Variants in SLC12A7 observed in about 807,000 individuals in gnomAD.
SLC12A7 encodes the protein solute carrier family 12 member 7.
A neutral mutation model predicts 120.6 loss-of-function variants in SLC12A7; 100 were observed. The ratio of observed to expected loss-of-function variants is 0.83; its 90% CI spans 0.71 to 0.98. The LOEUF is 0.98. Ranked by LOEUF, SLC12A7 falls within the 50% of genes least tolerant of loss-of-function variation. The probability of loss-of-function intolerance (pLI) is 0.00; values close to 1 mark genes in which losing one functional copy is unlikely to be tolerated. For synonymous variants in SLC12A7, 760 were observed against 678.0 expected (o/e 1.12, Z -1.88); for missense variants, 1,373 against 1,548.1 (o/e 0.89, Z 1.90).
In SLC12A7 at chr5:1,053,355, C is replaced by T. The variant is rs1195878119; in HGVS notation, c.3154G>A (p.Glu1052Lys). 4 of 1,613,680 alleles carry T rather than the reference C, an allele frequency of 2.5e-6. No homozygotes were observed. Among genetic ancestry groups the T allele is most frequent in the African/African-American group, 2.7e-5 (2 of 74,950 alleles). Residue 1052 changes from glutamate (E) to lysine (K), a missense_variant, in exon 23 of 24, where the codon GAG becomes AAG. Coordinates refer to ENST00000264930, the MANE Select transcript of SLC12A7 (RefSeq NM_006598.3). ...ACACTGCAAGAAAGGATACAGTTCT[C>T]GTCTCCCTGCCGGTTTTTGGGAGGA... ...PGPPKNRQGD[E>K]NYMEFLEVLT...
At chr5:1,096,968 G>C (rs1003442086) in intron 1 of SLC12A7, among the ~76,000 whole-genome samples, 5 of 151,940 alleles carry the variant, frequency 3.3e-5, no homozygotes, top group African/African-American at 1.2e-4. Context: ...TCCCTCCCAC[G>C]CAGCCAACCC....
At chr5:1,098,697 A>T (rs796919303) in intron 1 of SLC12A7, among the ~76,000 whole-genome samples, 4 of 21,938 alleles carry the variant, frequency 1.8e-4, no homozygotes, top group African/African-American at 4.6e-4. Flanking sequence ...AACCCTCTGC[A>T]CACCCAGCCC....
the SLC12A7 span, among the ~76,000 whole-genome samples, chr5:1,133,310 G>C: frequency 6.6e-6 from 1 of 152,202 alleles, no homozygotes; most frequent in Non-Finnish European, 1.5e-5. Flanking sequence ...GTGGGCAAGA[G>C]CTCCCCCCAA....
intron 17 of SLC12A7, 124 bp from the exon 18 acceptor site, chr5:1,065,602 G>A (rs1327335526): frequency 6.6e-6 from 5 of 753,896 alleles, no homozygotes; most frequent in East Asian, 2.8e-5. Flanking sequence ...GGGAAGGCCC[G>A]AAGGCTCAAC....
intron 3 of SLC12A7, among the ~76,000 whole-genome samples, chr5:1,089,347 G>C (rs923035961): frequency 6.6e-6 from 1 of 152,188 alleles, no homozygotes; most frequent in Non-Finnish European, 1.5e-5. Context: ...GAACCACATG[G>C]TTGGCAGAGA....
intron 14 of SLC12A7, 36 bp downstream of exon 14, chr5:1,076,102 T>C: frequency 4.5e-6 from 7 of 1,556,594 alleles, no homozygotes; most frequent in Non-Finnish European, 6.1e-6. Context: ...TGTCCCAGCC[T>C]GTGGGGCTCC....
chr5:1,137,539 C>T, the SLC12A7 span, among the ~76,000 whole-genome samples: 1 of 152,204 alleles, frequency 6.6e-6, no homozygotes, highest in Non-Finnish European at 1.5e-5. Context: ...TCCCCCTCCT[C>T]CTCAACCTGC....
At chr5:1,084,399 C>T (rs1013665017) in intron 7 of SLC12A7, among the ~76,000 whole-genome samples, 1 of 152,224 alleles carries the variant, frequency 6.6e-6, no homozygotes, top group African/African-American at 2.4e-5. Context: ...GCTCCCTCCC[C>T]GAGGCCCTCG....
intron 23 of SLC12A7, among the ~76,000 whole-genome samples, 180 bp downstream of exon 23, chr5:1,053,169 T>G (rs1055461550): frequency 6.6e-6 from 1 of 152,092 alleles, no homozygotes; most frequent in Admixed American, 6.5e-5. Context: ...TGGCCCCAAC[T>G]CTGGCCCGGT....
At chr5:1,139,971 C>T in the SLC12A7 span, among the ~76,000 whole-genome samples, 16 of 152,330 alleles carry the variant, frequency 1.1e-4, no homozygotes, top group East Asian at 3.9e-4. Context: ...GTCACAGATG[C>T]GGACCAGGCC....
At chr5:1,087,121 G>A in intron 5 of SLC12A7, 88 bp from the exon 6 acceptor site, 1 of 1,467,988 alleles carries the variant, frequency 6.8e-7, no homozygotes, top group Non-Finnish European at 9.1e-7. Context: ...CACGGGCAAA[G>A]GAGGGCCTGT....
chr5:1,105,712 T>C (rs1259866658), intron 1 of SLC12A7, among the ~76,000 whole-genome samples: 9 of 152,204 alleles, frequency 5.9e-5, no homozygotes, highest in Non-Finnish European at 1.0e-4. Context: ...TCTGCCCTTG[T>C]CCCTGGGCAG....
At position 1,079,489 on chromosome 5, in the gene SLC12A7, CATG is replaced by C; in HGVS notation, c.1302_1304del (p.Ile434del). On this transcript the variant is annotated inframe_deletion, in exon 10 of 24. Coordinates refer to ENST00000264930, the MANE Select transcript of SLC12A7 (RefSeq NM_006598.3). ...GGTCCCCGGACCGGTTTGAACCCGC[CATG>C]ATACCTGTGAACATGGAAAATGCTG... The C allele has an allele frequency of 6.2e-7, 1 of 1,612,332 alleles. No individual in the cohort carries two copies. The highest frequency in any genetic ancestry group is 1.7e-4 in the Middle Eastern group (1 of 6,054).
At chr5:1,080,034 C>T (rs1039831346) in intron 9 of SLC12A7, among the ~76,000 whole-genome samples, 1 of 152,206 alleles carries the variant, frequency 6.6e-6, no homozygotes, top group Non-Finnish European at 1.5e-5. Flanking sequence ...CCACTTCACG[C>T]CTGGCTCGGT....
rs565710615 is a variant in SLC12A7, at chr5:1,109,847, C to T, written c.124+2021G>A. On this transcript the variant is annotated intron_variant, in intron 1 of 23. Transcript: ENST00000264930. ...CAGAAGCTCCAGTACCTCCACAGACCGTTCAGGGGAACGGCAATGGAGTCA... is the reference window on the plus strand; with the variant it reads ...CAGAAGCTCCAGTACCTCCACAGACTGTTCAGGGGAACGGCAATGGAGTCA... 5.9e-5 allele frequency among the ~76,000 whole-genome samples: 9 copies of T among 152,380 alleles called. No homozygotes were observed. In the South Asian group the frequency reaches 8.3e-4, roughly 14 times the overall value.
At chr5:1,052,609 C>G (rs912613522) in intron 23 of SLC12A7, among the ~76,000 whole-genome samples, 158 bp from the exon 24 acceptor site, 2 of 133,628 alleles carry the variant, frequency 1.5e-5, no homozygotes, top group African/African-American at 2.5e-5. Flanking sequence ...GAGAGACCCC[C>G]CAGGCGGGGA....
intron 1 of SLC12A7, among the ~76,000 whole-genome samples, chr5:1,095,441 C>T (rs1365199768): frequency 2.0e-5 from 3 of 152,202 alleles, no homozygotes; most frequent in African/African-American, 4.8e-5. Flanking sequence ...TAGCCACCCA[C>T]GCACCCCAGG....
At chr5:1,123,890 A>G in the SLC12A7 span, among the ~76,000 whole-genome samples, 4 of 152,260 alleles carry the variant, frequency 2.6e-5, no homozygotes, top group Non-Finnish European at 2.9e-5. Context: ...AGTTTCTGAG[A>G]TAACTCTCTT....
chr5:1,077,905 G>C lies in SLC12A7; in HGVS notation c.1557C>G (p.Gly519=). The change falls in exon 12 of 24, where the codon GGC becomes GGG. Residue 519 remains glycine, a synonymous_variant. Coordinates refer to ENST00000264930, the MANE Select transcript of SLC12A7 (RefSeq NM_006598.3). The stretch of plus-strand genomic sequence containing the variant: ...GCGGTGCCCCCGTGAGGCTCTGCAG[G>C]CCGGCACCGCAGGTGGAGAAGAAGG... ...IGSFFSTCGA[G]LQSLTGAPRL... 6.3e-7 allele frequency: 1 copy of C among 1,599,608 alleles called. No individual in the cohort carries two copies. The highest frequency in any genetic ancestry group is 8.5e-7 in the Non-Finnish European group (1 of 1,173,876).
Sources: allele counts gnomAD v4.1 joint callset (sites outside exome capture counted in the v4.1 genomes callset), GRCh38; gene constraint gnomAD v4.1.1; transcripts MANE v1.5; gene names NCBI Gene and HGNC (gene_info 2026-07-23, HGNC 2026-07-21).